Variants in ADAM32 observed in about 807,000 individuals in gnomAD.
The protein encoded by ADAM32 is ADAM metallopeptidase domain 32.
ADAM32 carries 89 observed loss-of-function variants against 114.9 expected under a neutral mutation model. That is an observed-to-expected ratio of 0.77 (90% confidence interval 0.65 to 0.92). ADAM32 has a LOEUF of 0.92. Ranked by LOEUF, ADAM32 falls within the 40% of genes least tolerant of loss-of-function variation. ADAM32 has a pLI of 0.00. For synonymous variants in ADAM32, 285 were observed against 307.5 expected, an observed-to-expected ratio of 0.93 and a Z score of 0.77; for missense variants, 870 against 932.8, an observed-to-expected ratio of 0.93 and a Z score of 0.88.
At chr8:39,176,339 C>G (rs1383674907) in intron 10 of ADAM32, among the ~76,000 whole-genome samples, 4 of 152,182 alleles carry the variant, frequency 2.6e-5, no homozygotes, top group Non-Finnish European at 5.9e-5. Flanking sequence ...ATGAATTTCT[C>G]TCTTAACATG....
chr8:39,180,274 G>T (rs1805777250), intron 10 of ADAM32, among the ~76,000 whole-genome samples: 1 of 152,248 alleles, frequency 6.6e-6, no homozygotes. Flanking sequence ...CGGCTGCAGA[G>T]GGTGTACTGG....
At chr8:39,176,473 A>G (rs1023096141) in intron 10 of ADAM32, among the ~76,000 whole-genome samples, 2 of 152,136 alleles carry the variant, frequency 1.3e-5, no homozygotes, top group Non-Finnish European at 2.9e-5. Flanking sequence ...CAGGTTGTTC[A>G]ATGCTTATGT....
rs544777087 is a variant in ADAM32 at position 39,154,948 on chromosome 8, G to A, written c.525+3400G>A. Among the ~76,000 whole-genome samples the A allele has an allele frequency of 2.6e-3, 402 of 151,962 alleles. 3 individuals are homozygous for A. The highest frequency in any genetic ancestry group is 0.012 in the South Asian group (57 of 4,812). On this transcript the variant is annotated intron_variant, in intron 6 of 24. Coordinates refer to ENST00000379907, the MANE Select transcript of ADAM32 (RefSeq NM_145004.7). ...GATTCTGGATATTAGTCCTTTGTCA[G>A]ATGGGTAGATTGCAAAAATTTTCTC... is the stretch of plus-strand genomic sequence containing the variant.
chr8:39,277,719 G>A (rs1236390820), intron 22 of ADAM32, among the ~76,000 whole-genome samples: 2 of 152,268 alleles, frequency 1.3e-5, no homozygotes, highest in Non-Finnish European at 1.5e-5. Flanking sequence ...GCATGCAGGT[G>A]AGCAGGTGCA....
At chr8:39,255,318 T>TGGC (rs1811583605) in intron 18 of ADAM32, among the ~76,000 whole-genome samples, 1 of 151,618 alleles carries the variant, frequency 6.6e-6, no homozygotes, top group Admixed American at 6.6e-5. Flanking sequence ...TTTTTCGTAG[T>TGGC]GGCTGTGCTA....
chr8:39,108,144 AG>A (rs1009773977), intron 1 of ADAM32: 18 of 269,870 alleles, frequency 6.7e-5, no homozygotes, highest in African/African-American at 3.5e-4. Context: ...AAATGTTCCG[AG>A]GTGGTGGTGC....
At chr8:39,266,970 G>T (rs1812404560) in intron 19 of ADAM32, among the ~76,000 whole-genome samples, 1 of 152,202 alleles carries the variant, frequency 6.6e-6, no homozygotes, top group Admixed American at 6.5e-5. Context: ...GGGGGGTTGG[G>T]ACCTGGCCTG....
At chr8:39,110,877 C>T (rs1840128485) in intron 1 of ADAM32, among the ~76,000 whole-genome samples, 1 of 152,200 alleles carries the variant, frequency 6.6e-6, no homozygotes, top group Admixed American at 6.5e-5. Flanking sequence ...GCAGTCACTC[C>T]TCATGTCCTC....
At chr8:39,235,074 T>A (rs1435568373) in intron 16 of ADAM32, among the ~76,000 whole-genome samples, 1 of 152,082 alleles carries the variant, frequency 6.6e-6, no homozygotes, top group East Asian at 1.9e-4. Flanking sequence ...CCTGGTACAA[T>A]GTGCTCTCCC....
At chr8:39,193,879 C>A (rs1806767594) in intron 11 of ADAM32, among the ~76,000 whole-genome samples, 1 of 152,180 alleles carries the variant, frequency 6.6e-6, no homozygotes, top group African/African-American at 2.4e-5. Context: ...GTGGAGGAGC[C>A]ATGGTGCTCC....
At position 39,223,016 on chromosome 8, in the gene ADAM32, T is replaced by G. The variant is rs765078884; in HGVS notation, c.1327-24T>G. 31 of 1,516,226 alleles carry G rather than the reference T, an allele frequency of 2.0e-5. No individual in the cohort carries two copies. In the South Asian group the frequency reaches 3.8e-4, roughly 18 times the overall value. 93.9% of individuals were successfully genotyped at this position (1,516,226 alleles called of 1,614,324 possible). ...AGTAATCCTATTTGTAATGCTTTAT[T>G]TTTTATGTTCTAACTTCTCTTAGAT... is the stretch of plus-strand genomic sequence containing the variant. On this transcript the variant is annotated intron_variant, in intron 13 of 24. Transcript: ENST00000379907.
chr8:39,114,872 A>G (rs1487765639), intron 1 of ADAM32, among the ~76,000 whole-genome samples: 2 of 152,112 alleles, frequency 1.3e-5, no homozygotes, highest in Non-Finnish European at 2.9e-5. Context: ...CCCTCCTCCC[A>G]TCCTCCACCT....
chr8:39,111,250 A>G (rs1840145961), intron 1 of ADAM32, among the ~76,000 whole-genome samples: 1 of 152,156 alleles, frequency 6.6e-6, no homozygotes, highest in Non-Finnish European at 1.5e-5. Context: ...TCTCTTGGAT[A>G]TGTACTTACA....
At chr8:39,120,735 C>T (rs1409727551) in intron 2 of ADAM32, among the ~76,000 whole-genome samples, 2 of 133,564 alleles carry the variant, frequency 1.5e-5, no homozygotes, top group African/African-American at 2.7e-5. Flanking sequence ...GCACATTAGC[C>T]TGGGTGACAG....
At chr8:39,263,857 T>C (rs1052035055) in intron 19 of ADAM32, among the ~76,000 whole-genome samples, 1 of 152,240 alleles carries the variant, frequency 6.6e-6, no homozygotes, top group Non-Finnish European at 1.5e-5. Flanking sequence ...TCCATGTTAT[T>C]ATGTGTATCA....
chr8:39,219,198 G>A (rs1035113422), intron 12 of ADAM32, among the ~76,000 whole-genome samples: 13 of 151,958 alleles, frequency 8.6e-5, no homozygotes, highest in African/African-American at 1.5e-4. Flanking sequence ...TCTTTTTGGC[G>A]CTGTGCACTC....
chr8:39,107,691 C>G (rs978670140), upstream of ADAM32: 7 of 1,542,232 alleles, frequency 4.5e-6, no homozygotes, highest in Admixed American at 4.0e-5. Context: ...GTGCGGGGAG[C>G]GGCCCCCGGC....
At chr8:39,204,002 C>T (rs1807632088) in intron 11 of ADAM32, among the ~76,000 whole-genome samples, 1 of 152,230 alleles carries the variant, frequency 6.6e-6, no homozygotes, top group Admixed American at 6.5e-5. Flanking sequence ...GAGAGATCCG[C>T]TGTTAGTCTG....
At chr8:39,238,002 C>A (rs1356675022) in intron 16 of ADAM32, among the ~76,000 whole-genome samples, 1 of 152,216 alleles carries the variant, frequency 6.6e-6, no homozygotes. Context: ...CATAACAGAA[C>A]AACCCTGCTC....
Sources: allele counts gnomAD v4.1 joint callset (sites outside exome capture counted in the v4.1 genomes callset), GRCh38; gene constraint gnomAD v4.1.1; transcripts MANE v1.5; gene names NCBI Gene and HGNC (gene_info 2026-07-23, HGNC 2026-07-21).